Variants in RIMS1 observed in about 807,000 individuals in gnomAD.
The protein encoded by RIMS1 is regulating synaptic membrane exocytosis protein 1.
A neutral mutation model predicts 214.1 loss-of-function variants in RIMS1; 83 were observed. The observed-to-expected ratio is 0.39, with a 90% CI of 0.32 to 0.47. The LOEUF (loss-of-function observed/expected upper bound fraction) is 0.47. RIMS1 is among the 20% of genes least tolerant of loss of function. The probability of loss-of-function intolerance (pLI) is 0.99; values close to 1 mark genes in which losing one functional copy is unlikely to be tolerated. For synonymous variants in RIMS1, 793 were observed against 786.8 expected (o/e 1.01, Z -0.13); for missense variants, 2,050 against 2,161.8 (o/e 0.95, Z 1.03).
intron 1 of RIMS1, among the ~76,000 whole-genome samples, chr6:71,946,893 A>G (rs1787988718): frequency 6.6e-6 from 1 of 152,164 alleles, no homozygotes; most frequent in African/African-American, 2.4e-5. Flanking sequence ...TGTACATCTG[A>G]TAAGAGGTTA....
intron 2 of RIMS1, among the ~76,000 whole-genome samples, chr6:72,013,854 GAA>G (rs991909154): frequency 6.6e-6 from 1 of 152,050 alleles, no homozygotes; most frequent in African/African-American, 2.4e-5. Flanking sequence ...ACCTCAAAAA[GAA>G]AACCCATACT....
At chr6:72,248,584 A>G (rs1197278471) in intron 12 of RIMS1, among the ~76,000 whole-genome samples, 1 of 152,164 alleles carries the variant, frequency 6.6e-6, no homozygotes, top group Non-Finnish European at 1.5e-5. Flanking sequence ...TGAAAAAGCT[A>G]CCATTTTCTC....
At position 71,902,296 on chromosome 6, in the gene RIMS1, G is replaced by A. The variant is rs543107419; in HGVS notation, c.164+15109G>A. On this transcript the variant is annotated intron_variant, in intron 1 of 33. Coordinates refer to ENST00000521978, the MANE Select transcript of RIMS1 (RefSeq NM_014989.7). ...GAAAAAAGTCTGAAATAGTTGAGTT[G>A]GGGAGCAAGAGTGTGGGTTTATCAG... is the stretch of plus-strand genomic sequence containing the variant. Among the ~76,000 whole-genome samples the A allele has an allele frequency of 2.0e-5, 3 of 152,004 alleles. No homozygotes were observed. The East Asian group carries it at 5.8e-4, about 29-fold the overall frequency.
chr6:72,258,389 T>G (rs1013147424), intron 17 of RIMS1, 108 bp downstream of exon 17: 1 of 1,224,428 alleles, frequency 8.2e-7, no homozygotes, highest in African/African-American at 1.5e-5. Flanking sequence ...GTCAAATTAT[T>G]TTTTTCAGAA....
intron 2 of RIMS1, among the ~76,000 whole-genome samples, chr6:72,003,611 T>G (rs1806146297): frequency 6.7e-6 from 1 of 148,402 alleles, no homozygotes; most frequent in Admixed American, 6.7e-5. Flanking sequence ...GGTGTGTGTC[T>G]GTGTGTGTGT....
chr6:71,887,713 A>G (rs1198914641), intron 1 of RIMS1, among the ~76,000 whole-genome samples: 3 of 152,300 alleles, frequency 2.0e-5, no homozygotes, highest in East Asian at 3.9e-4. Flanking sequence ...GTAATCATTC[A>G]TCTCACAGAT....
At chr6:72,257,845 T>G (rs1233471764) in intron 16 of RIMS1, among the ~76,000 whole-genome samples, 1 of 152,208 alleles carries the variant, frequency 6.6e-6, no homozygotes, top group Non-Finnish European at 1.5e-5. Flanking sequence ...ATTGAAACAG[T>G]ATCCCAACTC....
Position 72,248,075 on chromosome 6 carries a change from C to T in RIMS1, c.2189C>T (p.Thr730Ile). The T allele has an allele frequency of 6.2e-7, 1 of 1,613,328 alleles. No individual in the cohort carries two copies. Among genetic ancestry groups the T allele is most frequent in the South Asian group, 1.1e-5 (1 of 91,016 alleles). Residue 730 changes from threonine (T) to isoleucine (I), a missense_variant, in exon 12 of 34, where the codon ACA (threonine) becomes ATA (isoleucine). Physicochemically the swap from Thr to Ile is moderately conservative, Grantham distance 89 (BLOSUM62 -1). This residue lies in a region of RIMS1 where 111 missense variants were observed against 166.2 expected (regional missense o/e 0.67). Coordinates refer to ENST00000521978, the MANE Select transcript of RIMS1 (RefSeq NM_014989.7). ...ERPSISVISP[T>I]SPGALKDAPQ... ...CCTTCCATTTCTGTTATTTCTCCAA[C>T]AAGTCCTGGAGCTCTAAAAGATGCC... is the stretch of plus-strand genomic sequence containing the variant.
rs1363683115 is a variant in RIMS1, at chr6:72,398,940, T to TA, written c.4721-14dup. ...TAAGGAATAATTTCTTATATGTTAA[T>TA]ATACCTTTGTTTAGCTCCATATGTC... On this transcript the variant is annotated splice_polypyrimidine_tract_variant and intron_variant, in intron 32 of 33. Transcript: ENST00000521978. 6.7e-7 allele frequency: 1 copy of TA among 1,500,892 alleles called. No homozygotes were observed. Among genetic ancestry groups the TA allele is most frequent in the Non-Finnish European group, 9.2e-7 (1 of 1,084,490 alleles). 93.0% of individuals were successfully genotyped at this position (1,500,892 alleles called of 1,614,324 possible). A position where few individuals can be genotyped will look rare whatever the true frequency, so the allele number is the denominator to read the frequency against.
At chr6:71,898,717 G>A (rs541384280) in intron 1 of RIMS1, among the ~76,000 whole-genome samples, 1 of 152,190 alleles carries the variant, frequency 6.6e-6, no homozygotes, top group African/African-American at 2.4e-5. Context: ...CAGGAAAGAT[G>A]GCAATAAACA....
intron 2 of RIMS1, among the ~76,000 whole-genome samples, chr6:72,030,319 G>C (rs1817723426): frequency 6.6e-6 from 1 of 152,112 alleles, no homozygotes; most frequent in Non-Finnish European, 1.5e-5. Context: ...TTGATTCAGA[G>C]AGACTTTTCC....
intron 2 of RIMS1, among the ~76,000 whole-genome samples, chr6:72,011,166 A>G (rs1345523307): frequency 6.6e-6 from 1 of 152,232 alleles, no homozygotes; most frequent in Admixed American, 6.5e-5. Flanking sequence ...GCCCTCAGGA[A>G]TAAAGCCACA....
intron 12 of RIMS1, among the ~76,000 whole-genome samples, chr6:72,248,836 A>G (rs1262166815): frequency 6.6e-6 from 1 of 152,174 alleles, no homozygotes; most frequent in Non-Finnish European, 1.5e-5. Flanking sequence ...GACAGAGAAG[A>G]TATATGTAAG....
intron 22 of RIMS1, among the ~76,000 whole-genome samples, chr6:72,273,595 C>T (rs956578985): frequency 2.0e-5 from 3 of 152,034 alleles, no homozygotes; most frequent in Non-Finnish European, 4.4e-5. Context: ...ATTGTAAATG[C>T]TGAGCTAAAA....
chr6:72,221,469 T>G (rs927926682), intron 6 of RIMS1, among the ~76,000 whole-genome samples: 1 of 152,010 alleles, frequency 6.6e-6, no homozygotes, highest in Non-Finnish European at 1.5e-5. Context: ...TAATGCAAAA[T>G]GGCTAGCCTA....
intron 1 of RIMS1, among the ~76,000 whole-genome samples, chr6:71,939,897 T>G (rs181929730): frequency 2.0e-3 from 309 of 152,310 alleles, no homozygotes; most frequent in South Asian, 0.01. Context: ...AATAACCAAA[T>G]AGTGGTAAAT....
chr6:72,211,865 G>A (rs1377677809), intron 6 of RIMS1, among the ~76,000 whole-genome samples: 1 of 104,206 alleles, frequency 9.6e-6, no homozygotes, highest in African/African-American at 5.5e-5. Flanking sequence ...GTTTGGTGAA[G>A]TAGAAGCCTT....
At chr6:72,243,033 T>A (rs1313596001) in intron 10 of RIMS1, among the ~76,000 whole-genome samples, 3 of 151,812 alleles carry the variant, frequency 2.0e-5, no homozygotes, top group Non-Finnish European at 3.0e-5. Flanking sequence ...TCTATGTATG[T>A]ATATAGATTT....
At chr6:72,158,636 A>T (rs2044797705) in intron 4 of RIMS1, among the ~76,000 whole-genome samples, 1 of 119,756 alleles carries the variant, frequency 8.4e-6, no homozygotes, top group Non-Finnish European at 1.8e-5. Flanking sequence ...CTCAATTCCC[A>T]CCTATGAGTG....
Sources: allele counts gnomAD v4.1 joint callset (sites outside exome capture counted in the v4.1 genomes callset), GRCh38; gene constraint gnomAD v4.1.1; regional missense constraint gnomAD v4.1.1; transcripts MANE v1.5; gene names NCBI Gene and HGNC (gene_info 2026-07-23, HGNC 2026-07-21).